The following MKLN1 variants were observed in gnomAD, a reference collection of about 807,000 sequenced individuals.
MKLN1 encodes the protein muskelin 1.
MKLN1 carries 18 observed loss-of-function variants against 99.0 expected under a neutral mutation model. The ratio of observed to expected loss-of-function variants is 0.18; its 90% confidence interval spans 0.13 to 0.27. The LOEUF (loss-of-function observed/expected upper bound fraction) is 0.27. Among genes scored for constraint, MKLN1 ranks in the 10% least tolerant of loss-of-function variants. The probability of loss-of-function intolerance (pLI) is 1.00; values close to 1 mark genes in which losing one functional copy is unlikely to be tolerated. For synonymous variants in MKLN1, 288 were observed against 293.2 expected (o/e 0.98, Z 0.18); for missense variants, 621 against 875.9 (o/e 0.71, Z 3.67).
chr7:131,289,017 G>T (rs1798175654), intron 3 of MKLN1, among the ~76,000 whole-genome samples: 1 of 152,104 alleles, frequency 6.6e-6, no homozygotes, highest in Admixed American at 6.6e-5. Flanking sequence ...GTAAATGGGG[G>T]TCTCACTGTG....
chr7:131,352,773 T>G (rs1799757646), intron 1 of MKLN1, among the ~76,000 whole-genome samples: 1 of 152,240 alleles, frequency 6.6e-6, no homozygotes, highest in Non-Finnish European at 1.5e-5. Context: ...CTGTGGGTTA[T>G]GTCACCAACT....
chr7:131,374,718 C>T (rs574464550), intron 1 of MKLN1, among the ~76,000 whole-genome samples: 1 of 152,142 alleles, frequency 6.6e-6, no homozygotes, highest in African/African-American at 2.4e-5. Flanking sequence ...CTTTTCCACT[C>T]ACAGTTCTGC....
At chr7:131,416,979 C>CAA (rs374145180) in intron 8 of MKLN1, among the ~76,000 whole-genome samples, 3,928 of 49,090 alleles carry the variant, frequency 0.08, 174 homozygotes, top group East Asian at 0.25. Flanking sequence ...GCAACCCTGT[C>CAA]AAAAAAAAAA....
chr7:131,231,278 C>T (rs907607742), intron 3 of MKLN1, among the ~76,000 whole-genome samples: 1 of 152,086 alleles, frequency 6.6e-6, no homozygotes, highest in Admixed American at 6.6e-5. Flanking sequence ...GGAACTGAGT[C>T]TTAACCTATC....
intron 3 of MKLN1, among the ~76,000 whole-genome samples, chr7:131,291,428 G>T (rs1219217664): frequency 6.6e-6 from 1 of 151,774 alleles, no homozygotes; most frequent in Non-Finnish European, 1.5e-5. Context: ...ACTGCACCCA[G>T]CCCATCCCAT....
intron 10 of MKLN1, among the ~76,000 whole-genome samples, chr7:131,438,934 A>G (rs1287824145): frequency 6.6e-6 from 1 of 152,128 alleles, no homozygotes; most frequent in Non-Finnish European, 1.5e-5. Context: ...CTTTTAAACT[A>G]TCCTATTGCC....
intron 1 of MKLN1, among the ~76,000 whole-genome samples, chr7:131,121,555 A>G (rs1408492925): frequency 1.4e-5 from 2 of 144,990 alleles, no homozygotes; most frequent in African/African-American, 2.6e-5. Context: ...GGGGAATAGC[A>G]TGAACCCCTG....
chr7:131,355,403 G>GA (rs1799842713), intron 1 of MKLN1, among the ~76,000 whole-genome samples: 1 of 151,534 alleles, frequency 6.6e-6, no homozygotes, highest in Non-Finnish European at 1.5e-5. Context: ...TTTTATGCAG[G>GA]AACATGGCAT....
intron 2 of MKLN1, 51 bp downstream of exon 2, chr7:131,375,544 A>C: frequency 9.3e-7 from 1 of 1,075,184 alleles, no homozygotes; most frequent in Non-Finnish European, 1.4e-6. Context: ...CATTTAAATA[A>C]ACACTCAATT....
chr7:131,277,718 T>C (rs1797995061), intron 3 of MKLN1, among the ~76,000 whole-genome samples: 1 of 152,048 alleles, frequency 6.6e-6, no homozygotes, highest in Non-Finnish European at 1.5e-5. Flanking sequence ...GCCTAGCCAA[T>C]TGTGCATTTC....
intron 1 of MKLN1, among the ~76,000 whole-genome samples, chr7:131,112,779 C>CA (rs904241925): frequency 1.3e-5 from 2 of 152,028 alleles, no homozygotes; most frequent in African/African-American, 2.4e-5. Flanking sequence ...AAGGGGTGTA[C>CA]AAAAAAATAA....
At position 131,436,667 on chromosome 7, in the gene MKLN1, G is replaced by A. The variant is rs167712; in HGVS notation, c.961-1118G>A. Among the ~76,000 whole-genome samples the A allele has an allele frequency of 2.6e-5, 4 of 152,158 alleles. No homozygotes were observed. The East Asian group carries it at 7.7e-4, about 29-fold the overall frequency. ...CACATACACAGTAATAGTGTAAACA[G>A]AACTTGGGAGTTGTTTAACAAACAT... is the stretch of plus-strand genomic sequence containing the variant. On this transcript the variant is annotated intron_variant, in intron 9 of 17. Coordinates refer to ENST00000352689, the MANE Select transcript of MKLN1 (RefSeq NM_013255.5).
At chr7:131,157,662 C>G (rs1209417206) in intron 2 of MKLN1, among the ~76,000 whole-genome samples, 1 of 152,010 alleles carries the variant, frequency 6.6e-6, no homozygotes, top group Non-Finnish European at 1.5e-5. Flanking sequence ...TCCTTTTGAC[C>G]TCTTTTTTCA....
At chr7:131,132,740 A>G (rs1162312222) in intron 1 of MKLN1, among the ~76,000 whole-genome samples, 1 of 151,934 alleles carries the variant, frequency 6.6e-6, no homozygotes, top group Non-Finnish European at 1.5e-5. Context: ...TGGCCTGGCC[A>G]ACATGGTGAA....
chr7:131,232,095 G>T (rs1456826575), intron 3 of MKLN1, among the ~76,000 whole-genome samples: 1 of 152,032 alleles, frequency 6.6e-6, no homozygotes, highest in African/African-American at 2.4e-5. Context: ...ATCAGTGATT[G>T]ATTTTAACTT....
intron 14 of MKLN1, among the ~76,000 whole-genome samples, chr7:131,466,041 G>A (rs918511770): frequency 2.0e-5 from 3 of 152,170 alleles, no homozygotes; most frequent in Non-Finnish European, 4.4e-5. Context: ...CACTGTCATT[G>A]TAGTTATGGT....
intron 9 of MKLN1, among the ~76,000 whole-genome samples, chr7:131,429,598 T>C (rs941939336): frequency 6.6e-6 from 1 of 152,206 alleles, no homozygotes; most frequent in Non-Finnish European, 1.5e-5. Context: ...ATTATCTTTT[T>C]TTTGGAGTCT....
At chr7:131,194,643 T>C (rs1357428565) in intron 2 of MKLN1, among the ~76,000 whole-genome samples, 1 of 152,224 alleles carries the variant, frequency 6.6e-6, no homozygotes, top group African/African-American at 2.4e-5. Context: ...CATCTCAATT[T>C]TCATTTCCCT....
chr7:131,316,427 C>T (rs1043170462), intron 3 of MKLN1, among the ~76,000 whole-genome samples: 2 of 152,092 alleles, frequency 1.3e-5, no homozygotes, highest in African/African-American at 4.8e-5. Context: ...AAAAAGACTC[C>T]CACACAAAAA....
Sources: gnomAD v4.1 joint callset for allele counts (sites outside exome capture counted in the v4.1 genomes callset) on GRCh38, gnomAD v4.1.1 for gene constraint, MANE v1.5 for transcripts, NCBI Gene and HGNC (gene_info 2026-07-23, HGNC 2026-07-21) for gene names.